GRIA2: variants seen among roughly 807,000 people sequenced by gnomAD.
The protein encoded by GRIA2 is glutamate receptor 2.
In GRIA2, 14 loss-of-function variants were observed where a neutral mutation model predicts 97.3. That is an observed-to-expected ratio of 0.14 (90% CI 0.10 to 0.23). The LOEUF (loss-of-function observed/expected upper bound fraction) is 0.23. Among genes scored for constraint, GRIA2 ranks in the 10% least tolerant of loss-of-function variants. The pLI is 1.00. For missense variants in GRIA2, 558 were observed against 1,069.8 expected, an observed-to-expected ratio of 0.52 and a Z score of 6.67; for synonymous variants, 412 against 387.8, an observed-to-expected ratio of 1.06 and a Z score of -0.73.
intron 2 of GRIA2, among the ~76,000 whole-genome samples, chr4:157,229,953 T>C (rs1037744943): frequency 2.6e-5 from 4 of 152,146 alleles, no homozygotes; most frequent in African/African-American, 7.2e-5. Flanking sequence ...AACTTACTGA[T>C]AGAAATGACT....
intron 13 of GRIA2, chr4:157,360,651 C>A: frequency 2.1e-6 from 1 of 467,884 alleles, no homozygotes; most frequent in Admixed American, 2.4e-5. Context: ...TTGCACACAT[C>A]TCTTTACTAT....
chr4:157,311,763 A>C (rs1362334794), intron 3 of GRIA2, among the ~76,000 whole-genome samples: 1 of 151,972 alleles, frequency 6.6e-6, no homozygotes, highest in Non-Finnish European at 1.5e-5. Flanking sequence ...TTAAGTTATC[A>C]GTATAAATGA....
intron 1 of GRIA2, chr4:157,221,377 G>A (rs1391485112): frequency 3.6e-6 from 2 of 559,640 alleles, no homozygotes; most frequent in Non-Finnish European, 6.3e-6. Context: ...CTGCCTTAGC[G>A]ACATTTTCCA....
intron 2 of GRIA2, among the ~76,000 whole-genome samples, chr4:157,233,929 A>G (rs1169961054): frequency 3.3e-5 from 5 of 152,170 alleles, no homozygotes; most frequent in Admixed American, 1.3e-4. Flanking sequence ...TAGCTGCTAT[A>G]AATTTGTGGA....
At chr4:157,337,725 A>G (rs976669168) in intron 11 of GRIA2, among the ~76,000 whole-genome samples, 1 of 151,880 alleles carries the variant, frequency 6.6e-6, no homozygotes, top group Non-Finnish European at 1.5e-5. Context: ...AGAAAACTGT[A>G]TGAGAAGCTC....
intron 2 of GRIA2, among the ~76,000 whole-genome samples, chr4:157,241,579 A>T (rs986595990): frequency 3.3e-5 from 5 of 152,104 alleles, no homozygotes; most frequent in Non-Finnish European, 7.4e-5. Flanking sequence ...AAGATCATAC[A>T]TCCTTTTTTT....
At chr4:157,256,184 A>T (rs10003822) in intron 2 of GRIA2, among the ~76,000 whole-genome samples, 1 of 136,482 alleles carries the variant, frequency 7.3e-6, no homozygotes, top group Non-Finnish European at 1.5e-5. Context: ...ATTATATATA[A>T]TATATAACAT....
intron 12 of GRIA2, among the ~76,000 whole-genome samples, chr4:157,358,564 C>CT: frequency 6.6e-6 from 1 of 152,176 alleles, no homozygotes; most frequent in Admixed American, 6.6e-5. Flanking sequence ...GTTAAAGTGC[C>CT]TTTTTCAGGA....
At chr4:157,221,345 G>A (rs1216654312) in intron 1 of GRIA2, 2 of 557,530 alleles carry the variant, frequency 3.6e-6, no homozygotes, top group Non-Finnish European at 3.2e-6. Flanking sequence ...CTCTCATTTC[G>A]GATCCCCAAA....
Position 157,363,854 on chromosome 4 carries a change from A to C in GRIA2, c.*423A>C, listed in dbSNP as rs1736753846. On this transcript the variant is annotated 3_prime_UTR_variant, in exon 16 of 16. Transcript: ENST00000264426. ...ATTTACCTGAAGTCTTTGTACAGAC[A>C]ACAAACCTGTTTCTGCAGCCACTAT... is the stretch of plus-strand genomic sequence containing the variant. 3.5e-6 allele frequency: 1 copy of C among 288,606 alleles called. No individual in the cohort carries two copies. The highest frequency in any genetic ancestry group is 2.2e-5 in the African/African-American group (1 of 46,172). 17.9% of individuals were successfully genotyped at this position (288,606 alleles called of 1,614,324 possible).
At chr4:157,268,100 G>C (rs1035912975) in intron 2 of GRIA2, among the ~76,000 whole-genome samples, 12 of 151,976 alleles carry the variant, frequency 7.9e-5, no homozygotes, top group African/African-American at 2.7e-4. Flanking sequence ...TAAAGAGGTG[G>C]GGCATAGAAA....
chr4:157,252,404 C>T (rs933175260), intron 2 of GRIA2, among the ~76,000 whole-genome samples: 2 of 152,030 alleles, frequency 1.3e-5, no homozygotes, highest in African/African-American at 4.8e-5. Flanking sequence ...TAAAGTAAGT[C>T]TGTCACTTTA....
At position 157,312,684 on chromosome 4, in the gene GRIA2, T is replaced by C; in HGVS notation, c.475T>C (p.Ser159Pro). 6.3e-7 allele frequency: 1 copy of C among 1,586,284 alleles called. No individual in the cohort carries two copies. Among genetic ancestry groups the C allele is most frequent in the Non-Finnish European group, 8.6e-7 (1 of 1,163,974 alleles). The part of the protein sequence containing the change: ...AYLYDSDRGL[S>P]TLQAVLDSAA... ...ATTTTTCTTTGCCTTCCTAGGCTTA[T>C]CAACACTGCAAGCTGTGCTGGATTC... The change falls in exon 4 of 16, where the codon TCA becomes CCA. Residue 159 changes from serine (S) to proline (P), a missense_variant. Around this residue, in one of 8 missense-constraint regions of GRIA2, gnomAD observed 173 missense variants for 209.1 expected, o/e 0.83. Coordinates refer to ENST00000264426, the MANE Select transcript of GRIA2 (RefSeq NM_001083619.3).
At chr4:157,358,174 T>C (rs1004815619) in intron 12 of GRIA2, among the ~76,000 whole-genome samples, 2 of 152,152 alleles carry the variant, frequency 1.3e-5, no homozygotes, top group Non-Finnish European at 2.9e-5. Context: ...ATGCTATAAC[T>C]AATCTTTCAA....
At chr4:157,360,214 A>G in intron 13 of GRIA2, 71 bp downstream of exon 13, 4 of 1,490,232 alleles carry the variant, frequency 2.7e-6, no homozygotes, top group Non-Finnish European at 3.7e-6. Context: ...TATCTTTAAG[A>G]CTCTCTTACG....
rs1560781383 is a variant in GRIA2 at position 157,355,983 on chromosome 4, ATATATT to A, written c.2044-3907_2044-3902del. ...TTTATGTATATTAATATATATATTT[ATATATT>A]TATATATATTTATATATGTATTTAT... On this transcript the variant is annotated intron_variant, in intron 12 of 15. Transcript: ENST00000264426. 2.3e-3 allele frequency among the ~76,000 whole-genome samples: 215 copies of A among 93,858 alleles called. 10 individuals are homozygous for A. Among genetic ancestry groups the A allele is most frequent in the East Asian group, 4.0e-3 (15 of 3,720 alleles). 61.6% of individuals were successfully genotyped at this position (93,858 alleles called of 152,430 possible). A position where few individuals can be genotyped will look rare whatever the true frequency, so the allele number is the denominator to read the frequency against.
rs369087404 is a variant in GRIA2, at chr4:157,253,326, AG to A, written c.229+31521del. Among the ~76,000 whole-genome samples the A allele has an allele frequency of 7.2e-5, 11 of 152,004 alleles. No homozygotes were observed. In the South Asian group the frequency reaches 2.3e-3, roughly 32 times the overall value. ...GAGACAGGGTTTTGCCACGTTGCCAAGGCTAATCTCGAATTCCTGAGCTCAA... is the reference window on the plus strand; with the variant it reads ...GAGACAGGGTTTTGCCACGTTGCCAAGCTAATCTCGAATTCCTGAGCTCAA... On this transcript the variant is annotated intron_variant, in intron 2 of 15. Transcript: ENST00000264426.
chr4:157,261,495 TCAAA>T (rs1731532203), intron 2 of GRIA2, among the ~76,000 whole-genome samples: 1 of 152,072 alleles, frequency 6.6e-6, no homozygotes, highest in Non-Finnish European at 1.5e-5. Context: ...ACAACACCAA[TCAAA>T]CAAATTAAAA....
intron 6 of GRIA2, among the ~76,000 whole-genome samples, chr4:157,325,283 T>G (rs932118921): frequency 2.6e-5 from 4 of 152,162 alleles, no homozygotes; most frequent in Non-Finnish European, 5.9e-5. Flanking sequence ...AAATATAAAT[T>G]ACAATGTTTA....
Sources: allele counts gnomAD v4.1 joint callset (sites outside exome capture counted in the v4.1 genomes callset), GRCh38; gene constraint gnomAD v4.1.1; regional missense constraint gnomAD v4.1.1; transcripts MANE v1.5; gene names NCBI Gene and HGNC (gene_info 2026-07-23, HGNC 2026-07-21).